The following ZFAND3 variants were observed in gnomAD, a reference collection of about 807,000 sequenced individuals.
The protein encoded by ZFAND3 is zinc finger AN1-type containing 3, also known as AN1-type zinc finger protein 3.
In ZFAND3, 10 loss-of-function variants were observed where a neutral mutation model predicts 29.6. The observed-to-expected ratio is 0.34, with a 90% confidence interval of 0.21 to 0.57. ZFAND3 has a LOEUF of 0.57. Among genes scored for constraint, ZFAND3 ranks in the 20% least tolerant of loss-of-function variants. The pLI is 0.86. For synonymous variants in ZFAND3, 128 were observed against 112.6 expected (o/e 1.14, Z -0.87); for missense variants, 230 against 304.5 (o/e 0.76, Z 1.82).
At position 38,152,667 on chromosome 6, in the gene ZFAND3, A is replaced by G. The variant is rs761746740; in HGVS notation, c.*278A>G. On this transcript the variant is annotated 3_prime_UTR_variant, in exon 6 of 6. Transcript: ENST00000287218. ...ATGGCTAGTGGATTTAAAACAACAC[A>G]TACCTGTCACTGCTGGAGTCAAACT... 1.2e-5 allele frequency: 14 copies of G among 1,139,730 alleles called. No homozygotes were observed. Among genetic ancestry groups the G allele is most frequent in the Admixed American group, 4.7e-5 (1 of 21,118 alleles). 70.6% of individuals were successfully genotyped at this position (1,139,730 alleles called of 1,614,324 possible). A position where few individuals can be genotyped will look rare whatever the true frequency, so the allele number is the denominator to read the frequency against.
chr6:38,116,608 G>A lies in ZFAND3; in HGVS notation c.398G>A (p.Arg133Gln), dbSNP rs571885034. 29 of 1,613,566 alleles carry A rather than the reference G, an allele frequency of 1.8e-5. No homozygotes were observed. The Admixed American group carries it at 3.0e-4, about 17-fold the overall frequency. ...QSENEASPVK[R>Q]PRLLENTERS... ...GAGAATGAGGCTTCACCAGTAAAAC[G>A]GCCACGACTACTTGAGAATACGGAA... The change falls in exon 5 of 6, where the codon CGG becomes CAG. Residue 133 changes from arginine to glutamine, a missense_variant. By Grantham distance (43) the Arg-to-Gln change is conservative. Around this residue, in one of 2 missense-constraint regions of ZFAND3, gnomAD observed 180 missense variants for 202.5 expected, o/e 0.89. Transcript: ENST00000287218.
At chr6:37,957,150 T>C (rs537776458) in intron 2 of ZFAND3, among the ~76,000 whole-genome samples, 2 of 152,372 alleles carry the variant, frequency 1.3e-5, no homozygotes, top group South Asian at 4.1e-4. Flanking sequence ...TTTTAGTCTT[T>C]CTGTCCATGT....
chr6:37,850,937 T>C (rs963255852), intron 1 of ZFAND3, among the ~76,000 whole-genome samples: 4 of 151,838 alleles, frequency 2.6e-5, no homozygotes, highest in African/African-American at 9.7e-5. Context: ...CCCACCCCAT[T>C]AGTCACCAAA....
At chr6:37,911,862 A>G (rs1765526666) in intron 1 of ZFAND3, among the ~76,000 whole-genome samples, 1 of 152,052 alleles carries the variant, frequency 6.6e-6, no homozygotes, top group African/African-American at 2.4e-5. Flanking sequence ...ATGTCATCCT[A>G]TTTTATGGGG....
chr6:38,136,888 A>G (rs953567435), intron 5 of ZFAND3, among the ~76,000 whole-genome samples: 2 of 152,256 alleles, frequency 1.3e-5, no homozygotes, highest in Admixed American at 1.3e-4. Flanking sequence ...AGATTCACCC[A>G]GGAAGTGGGG....
chr6:37,904,023 A>G (rs1765365835), intron 1 of ZFAND3, among the ~76,000 whole-genome samples: 1 of 152,252 alleles, frequency 6.6e-6, no homozygotes, highest in Admixed American at 6.5e-5. Context: ...ATTTCAGCTC[A>G]GAGCAGATTC....
intron 1 of ZFAND3, chr6:37,833,296 C>T (rs541273794): frequency 6.6e-6 from 1 of 152,024 alleles, no homozygotes; most frequent in Non-Finnish European, 1.5e-5. Flanking sequence ...GTGAATATGC[C>T]TGTGTAACCA....
At chr6:38,053,723 G>C (rs886069731) in intron 2 of ZFAND3, among the ~76,000 whole-genome samples, 1 of 152,096 alleles carries the variant, frequency 6.6e-6, no homozygotes, top group African/African-American at 2.4e-5. Context: ...GCTATCAAAG[G>C]AATCTTATAG....
At chr6:37,913,796 C>T (rs758581386) in intron 1 of ZFAND3, among the ~76,000 whole-genome samples, 5 of 150,064 alleles carry the variant, frequency 3.3e-5, no homozygotes, top group Non-Finnish European at 5.9e-5. Flanking sequence ...CTGCAACCTC[C>T]GCCTCCCGGG....
rs555994441 is a variant in ZFAND3 at position 38,048,505 on chromosome 6, C to T, written c.113-13088C>T. ...GGTGTGGTGGCAGGCACCTATAGTC[C>T]GAGCTACTCGGGAGGCTGAGGCAGG... On this transcript the variant is annotated intron_variant, in intron 2 of 5. Coordinates refer to ENST00000287218, the MANE Select transcript of ZFAND3 (RefSeq NM_021943.3). Among the ~76,000 whole-genome samples the T allele has an allele frequency of 3.1e-3, 468 of 150,804 alleles. 3 individuals are homozygous for T. Among genetic ancestry groups the T allele is most frequent in the African/African-American group, 0.011 (442 of 41,032 alleles).
At chr6:37,877,897 T>C (rs1764822909) in intron 1 of ZFAND3, among the ~76,000 whole-genome samples, 1 of 152,228 alleles carries the variant, frequency 6.6e-6, no homozygotes. Flanking sequence ...TGGAAGGTTT[T>C]AAGCAGGGAA....
At chr6:37,937,314 T>G (rs948661554) in intron 2 of ZFAND3, among the ~76,000 whole-genome samples, 1 of 152,180 alleles carries the variant, frequency 6.6e-6, no homozygotes, top group Non-Finnish European at 1.5e-5. Flanking sequence ...ATAGTGGAAT[T>G]TGTAAGCTTG....
intron 3 of ZFAND3, among the ~76,000 whole-genome samples, chr6:38,064,666 C>CTTTT (rs35827782): frequency 1.7e-5 from 2 of 115,936 alleles, no homozygotes; most frequent in African/African-American, 6.5e-5. Context: ...CTGCTATGGG[C>CTTTT]TTTTTTTTTT....
intron 3 of ZFAND3, among the ~76,000 whole-genome samples, chr6:38,079,185 G>C (rs1454584121): frequency 6.6e-6 from 1 of 152,048 alleles, no homozygotes; most frequent in Non-Finnish European, 1.5e-5. Context: ...GTTGTAGTTT[G>C]CCAGACCAAA....
chr6:37,820,265 CG>C (rs1561899757), intron 1 of ZFAND3, among the ~76,000 whole-genome samples: 1 of 150,814 alleles, frequency 6.6e-6, no homozygotes, highest in Non-Finnish European at 1.5e-5. Context: ...CTCGGGCCCA[CG>C]GGGGCCTCCT....
chr6:37,909,016 A>C (rs572964761), intron 1 of ZFAND3, among the ~76,000 whole-genome samples: 21 of 152,240 alleles, frequency 1.4e-4, no homozygotes, highest in Admixed American at 1.2e-3. Flanking sequence ...TACTTGGGTA[A>C]ATATACCCCA....
At position 37,983,976 on chromosome 6, in the gene ZFAND3, ATTAT is replaced by A. The variant is rs199859323; in HGVS notation, c.112+53984_112+53987del. 1.1e-3 allele frequency among the ~76,000 whole-genome samples: 164 copies of A among 152,310 alleles called. 2 individuals carry two copies. The East Asian group carries it at 0.029, about 27-fold the overall frequency. On this transcript the variant is annotated intron_variant, in intron 2 of 5. Transcript: ENST00000287218. ...GTGCAATGAAAAAAGCTGAAGGATAATTATTTATTTCATGATTGCATCATCCTTC... is the reference window on the plus strand; with the variant it reads ...GTGCAATGAAAAAAGCTGAAGGATAATTATTTCATGATTGCATCATCCTTC...
chr6:38,025,356 TC>T (rs1763427613), intron 2 of ZFAND3, among the ~76,000 whole-genome samples: 1 of 152,258 alleles, frequency 6.6e-6, no homozygotes, highest in African/African-American at 2.4e-5. Flanking sequence ...TTTGTTTTTA[TC>T]CCCCCTTTTT....
At chr6:37,903,545 G>A (rs377578705) in intron 1 of ZFAND3, among the ~76,000 whole-genome samples, 2 of 152,110 alleles carry the variant, frequency 1.3e-5, no homozygotes, top group African/African-American at 2.4e-5. Flanking sequence ...CGCATATTCC[G>A]TTTAGTAGAG....
Sources: gnomAD v4.1 joint callset for allele counts (sites outside exome capture counted in the v4.1 genomes callset) on GRCh38, gnomAD v4.1.1 for gene constraint, gnomAD v4.1.1 regional missense constraint, MANE v1.5 for transcripts, NCBI Gene and HGNC (gene_info 2026-07-23, HGNC 2026-07-21) for gene names.